CHM: variants seen among roughly 807,000 people sequenced by gnomAD.
CHM encodes the protein rab proteins geranylgeranyltransferase component A 1.
CHM carries 10 observed loss-of-function variants against 49.0 expected under a neutral mutation model. That is an observed-to-expected ratio of 0.20 (90% CI 0.13 to 0.35). The LOEUF (loss-of-function observed/expected upper bound fraction) is 0.35, where lower values mean the gene tolerates loss of function less well. CHM is among the 10% of genes least tolerant of loss of function. The pLI is 1.00. For synonymous variants in CHM, 184 were observed against 167.5 expected, an observed-to-expected ratio of 1.10 and a Z score of -0.76; for missense variants, 455 against 478.4, an observed-to-expected ratio of 0.95 and a Z score of 0.46.
chrX:85,916,379 T>C (rs1408917299), intron 8 of CHM, among the ~76,000 whole-genome samples: 5 of 112,063 alleles, frequency 4.5e-5, no homozygotes, highest in Non-Finnish European at 9.4e-5. Context: ...AATACCATTC[T>C]GGACATAGGC....
At chrX:85,871,919 G>C (rs1032998266) in intron 14 of CHM, among the ~76,000 whole-genome samples, 5 of 111,933 alleles carry the variant, frequency 4.5e-5, no homozygotes, top group Non-Finnish European at 7.5e-5. Flanking sequence ...AAAATGACTT[G>C]ATCATTTCAA....
At chrX:85,950,855 C>T (rs1332862891) in intron 8 of CHM, among the ~76,000 whole-genome samples, 1 of 111,038 alleles carries the variant, frequency 9.0e-6, no homozygotes, top group Non-Finnish European at 1.9e-5. Flanking sequence ...AAAAGACAAA[C>T]TATATTAAAA....
At chrX:86,042,627 G>A (rs1787779986) in intron 1 of CHM, among the ~76,000 whole-genome samples, 1 of 108,783 alleles carries the variant, frequency 9.2e-6, no homozygotes, top group East Asian at 2.9e-4. Context: ...AAACCAGCCT[G>A]GGCAACATAG....
At chrX:86,037,889 CA>C (rs1934311897) in intron 1 of CHM, among the ~76,000 whole-genome samples, 1 of 109,925 alleles carries the variant, frequency 9.1e-6, no homozygotes, top group South Asian at 3.9e-4. Context: ...CTGTAGGAAA[CA>C]AAAGAATAGT....
At chrX:86,033,638 C>A (rs12841670) in intron 1 of CHM, among the ~76,000 whole-genome samples, 1 of 111,736 alleles carries the variant, frequency 8.9e-6, no homozygotes, top group Non-Finnish European at 1.9e-5. Context: ...GAATTTCAAC[C>A]CAGGTTTAAG....
chrX:85,900,580 G>A lies in CHM; in HGVS notation c.1413+66C>T, dbSNP rs1030433974. Reference sequence around the variant, plus strand: ...TTGAGTGTAGTGATTAGTTCACCATGTATATATATACCGAAACATCTTCAT... The same window carrying A: ...TTGAGTGTAGTGATTAGTTCACCATATATATATATACCGAAACATCTTCAT... On this transcript the variant is annotated intron_variant, in intron 11 of 14. Transcript: ENST00000357749. 1.1e-5 allele frequency: 7 copies of A among 658,099 alleles called. No individual in the cohort carries two copies. The African/African-American group carries it at 1.3e-4, about 12-fold the overall frequency. 54.2% of individuals were successfully genotyped at this position (658,099 alleles called of 1,213,427 possible).
intron 8 of CHM, among the ~76,000 whole-genome samples, chrX:85,936,589 A>G (rs1409475556): frequency 8.9e-6 from 1 of 112,523 alleles, no homozygotes; most frequent in East Asian, 2.8e-4. Flanking sequence ...TACAAAGTTC[A>G]TAAGATGTAA....
At chrX:85,975,868 G>A (rs1431865317) in intron 4 of CHM, among the ~76,000 whole-genome samples, 1 of 111,778 alleles carries the variant, frequency 8.9e-6, no homozygotes, top group Non-Finnish European at 1.9e-5. Context: ...AAAAAGCAAC[G>A]ACAAAAAGCC....
At chrX:85,900,989 G>T in intron 10 of CHM, 95 bp downstream of exon 10, 1 of 619,378 alleles carries the variant, frequency 1.6e-6, no homozygotes, top group Non-Finnish European at 2.6e-6. Context: ...TATATCTTTG[G>T]TTTGGCATTT....
rs948059644 is a variant in CHM, at chrX:85,878,093, G to A, written c.1609+872C>T. 2.9e-4 allele frequency among the ~76,000 whole-genome samples: 32 copies of A among 111,746 alleles called. 1 individual carries two copies. The highest frequency in any genetic ancestry group is 4.7e-3 in the Middle Eastern group (1 of 212). On this transcript the variant is annotated intron_variant, in intron 13 of 14. Coordinates refer to ENST00000357749, the MANE Select transcript of CHM (RefSeq NM_000390.4). ...GCTGCAAGTGCTACCCTATTATGTA[G>A]GGGGAAAGTTTTAAAATGTGTTTCC...
At chrX:86,036,094 A>T (rs1182859797) in intron 1 of CHM, among the ~76,000 whole-genome samples, 1 of 110,731 alleles carries the variant, frequency 9.0e-6, no homozygotes, top group Non-Finnish European at 1.9e-5. Flanking sequence ...TGCCCAGCCA[A>T]CTCTGTAAAA....
chrX:85,991,596 A>C (rs777586765), intron 2 of CHM, among the ~76,000 whole-genome samples: 9 of 111,767 alleles, frequency 8.1e-5, no homozygotes, highest in Admixed American at 2.9e-4. Context: ...TAAACTTGGA[A>C]AATGCTAGGT....
chrX:85,875,653 A>C (rs181663192), intron 13 of CHM, among the ~76,000 whole-genome samples: 10 of 111,681 alleles, frequency 9.0e-5, no homozygotes, highest in Admixed American at 7.7e-4. Context: ...GAATTAAGAC[A>C]TTTGCTTTCA....
intron 3 of CHM, among the ~76,000 whole-genome samples, chrX:85,981,399 A>G (rs1021016482): frequency 9.3e-6 from 1 of 107,956 alleles, no homozygotes; most frequent in African/African-American, 3.4e-5. Flanking sequence ...ATGCCCAGCT[A>G]ATTTTTGTAT....
intron 8 of CHM, among the ~76,000 whole-genome samples, chrX:85,925,384 T>A (rs1928023293): frequency 9.0e-6 from 1 of 111,729 alleles, no homozygotes; most frequent in African/African-American, 3.2e-5. Context: ...CACATCATAA[T>A]TTAAACTAAG....
chrX:85,977,654 G>A (rs1043379892), intron 4 of CHM, among the ~76,000 whole-genome samples: 4 of 112,091 alleles, frequency 3.6e-5, no homozygotes, highest in African/African-American at 1.3e-4. Flanking sequence ...TCCTCATTTC[G>A]TTAAAGCATA....
chrX:85,917,816 A>C (rs993902610), intron 8 of CHM, among the ~76,000 whole-genome samples: 2 of 108,593 alleles, frequency 1.8e-5, no homozygotes, highest in Non-Finnish European at 1.9e-5. Context: ...AAAAAAAAAA[A>C]CCTCAGAATT....
chrX:85,945,058 C>T (rs751108287), intron 8 of CHM, among the ~76,000 whole-genome samples: 10 of 111,174 alleles, frequency 9.0e-5, no homozygotes, highest in Non-Finnish European at 1.5e-4. Context: ...CATGTTCTCA[C>T]TTATAAGTGG....
At chrX:86,013,245 A>G (rs943575168) in intron 2 of CHM, among the ~76,000 whole-genome samples, 46 of 111,025 alleles carry the variant, frequency 4.1e-4, no homozygotes, top group Non-Finnish European at 5.5e-4. Context: ...AACACAGGAA[A>G]AGAGCTCGGG....
Sources: allele counts gnomAD v4.1 joint callset (sites outside exome capture counted in the v4.1 genomes callset), GRCh38; gene constraint gnomAD v4.1.1; transcripts MANE v1.5; gene names NCBI Gene and HGNC (gene_info 2026-07-23, HGNC 2026-07-21).